Variants in DLG2 observed in about 807,000 individuals in gnomAD.
The protein encoded by DLG2 is disks large homolog 2.
Under a neutral mutation model 132.5 loss-of-function variants are expected in DLG2, and 45 were observed. The ratio of observed to expected loss-of-function variants is 0.34; its 90% CI spans 0.27 to 0.44. DLG2 has a LOEUF of 0.44. Ranked by LOEUF, DLG2 falls within the 20% of genes least tolerant of loss-of-function variation. The probability of loss-of-function intolerance (pLI) is 1.00; values close to 1 mark genes in which losing one functional copy is unlikely to be tolerated. For missense variants in DLG2, 1,045 were observed against 1,196.9 expected (o/e 0.87, Z 1.87); for synonymous variants, 424 against 419.6 (o/e 1.01, Z -0.13).
In DLG2 at chr11:83,832,115, G is replaced by A. The variant is rs145246260; in HGVS notation, c.1722+1499C>T. Among the ~76,000 whole-genome samples the A allele has an allele frequency of 3.6e-4, 55 of 152,304 alleles. No homozygotes were observed. In the East Asian group the frequency reaches 9.4e-3, roughly 26 times the overall value. ...TGAACATGAGGCAGTACCTTTCAGA[G>A]TGATTGTGAGAAGAATAAATAATAG... On this transcript the variant is annotated intron_variant, in intron 17 of 27. Transcript: ENST00000376104.
intron 5 of DLG2, among the ~76,000 whole-genome samples, chr11:85,128,627 T>A (rs964554225): frequency 1.7e-4 from 26 of 152,220 alleles, no homozygotes; most frequent in Admixed American, 1.6e-3. Context: ...GATCCAGAAC[T>A]ATTGTCCTAT....
At chr11:84,938,020 T>C (rs778890453) in intron 6 of DLG2, among the ~76,000 whole-genome samples, 8 of 152,140 alleles carry the variant, frequency 5.3e-5, no homozygotes, top group Non-Finnish European at 1.0e-4. Context: ...CAGTCCTCAT[T>C]CTGGGGTCAG....
intron 6 of DLG2, among the ~76,000 whole-genome samples, chr11:84,766,745 A>C (rs1410646762): frequency 1.3e-5 from 2 of 152,072 alleles, no homozygotes; most frequent in African/African-American, 4.8e-5. Context: ...TTAGTAGGGG[A>C]GGAAAGATGG....
At chr11:85,062,942 G>A (rs1025280853) in intron 6 of DLG2, among the ~76,000 whole-genome samples, 4 of 151,678 alleles carry the variant, frequency 2.6e-5, no homozygotes, top group African/African-American at 7.3e-5. Context: ...CAGCAGAGGT[G>A]GGGATGACTG....
At chr11:83,866,653 C>T (rs2062440933) in intron 16 of DLG2, among the ~76,000 whole-genome samples, 1 of 152,020 alleles carries the variant, frequency 6.6e-6, no homozygotes, top group Admixed American at 6.6e-5. Flanking sequence ...CATTTTTAAA[C>T]CCATTTATTA....
At chr11:83,723,637 C>G (rs540846064) in intron 18 of DLG2, among the ~76,000 whole-genome samples, 244 of 152,078 alleles carry the variant, frequency 1.6e-3, no homozygotes, top group African/African-American at 5.7e-3. Context: ...GGTGGATCAC[C>G]CGAGGTCAGG....
At chr11:83,593,448 A>T (rs2097223402) in intron 19 of DLG2, among the ~76,000 whole-genome samples, 1 of 151,860 alleles carries the variant, frequency 6.6e-6, no homozygotes, top group Admixed American at 6.6e-5. Context: ...GAACAATGAG[A>T]TCACATGGAC....
Position 85,132,323 on chromosome 11 carries a change from T to A in DLG2, c.283-20588A>T, listed in dbSNP as rs1272744400. The stretch of plus-strand genomic sequence containing the variant: ...CAGAATTCTCCAATCAGAAGCAATA[T>A]GTCAAGTCACAGTAAAGCTGATTGG... On this transcript the variant is annotated intron_variant, in intron 5 of 27. Coordinates refer to ENST00000376104, the MANE Select transcript of DLG2 (RefSeq NM_001142699.3). Among the ~76,000 whole-genome samples, 4 of 152,170 alleles carry A rather than the reference T, an allele frequency of 2.6e-5. No homozygotes were observed. The South Asian group carries it at 6.2e-4, about 24-fold the overall frequency.
At chr11:84,934,647 C>T (rs777047960) in intron 6 of DLG2, among the ~76,000 whole-genome samples, 6 of 150,290 alleles carry the variant, frequency 4.0e-5, no homozygotes, top group Non-Finnish European at 5.9e-5. Flanking sequence ...CATAAACTAG[C>T]AAATCTAGAA....
At chr11:83,698,067 G>A (rs569886797) in intron 18 of DLG2, among the ~76,000 whole-genome samples, 7 of 152,326 alleles carry the variant, frequency 4.6e-5, no homozygotes, top group African/African-American at 1.7e-4. Flanking sequence ...AAGTCATTGA[G>A]TCTCACTTAA....
At chr11:84,594,041 A>G (rs1375035211) in intron 6 of DLG2, among the ~76,000 whole-genome samples, 1 of 152,214 alleles carries the variant, frequency 6.6e-6, no homozygotes, top group Non-Finnish European at 1.5e-5. Context: ...TCAAGAAATT[A>G]CATGAGAATG....
At chr11:84,036,157 A>AAAT (rs1395298512) in intron 11 of DLG2, among the ~76,000 whole-genome samples, 1 of 152,094 alleles carries the variant, frequency 6.6e-6, no homozygotes, top group Non-Finnish European at 1.5e-5. Flanking sequence ...GTTGATAGAG[A>AAAT]AATACGGAGG....
At chr11:85,195,070 G>A (rs1173281595) in intron 4 of DLG2, among the ~76,000 whole-genome samples, 2 of 152,174 alleles carry the variant, frequency 1.3e-5, no homozygotes, top group Non-Finnish European at 2.9e-5. Flanking sequence ...AAGCTCTGAA[G>A]CCCAGGAAGA....
chr11:84,313,502 A>AAGAG (rs1386570089), intron 7 of DLG2, among the ~76,000 whole-genome samples: 5 of 132,492 alleles, frequency 3.8e-5, no homozygotes, highest in African/African-American at 8.0e-5. Flanking sequence ...GAAAGAAAGA[A>AAGAG]AGAGAGAGAG....
intron 4 of DLG2, among the ~76,000 whole-genome samples, chr11:85,187,040 TAATC>T (rs2080157666): frequency 6.6e-6 from 1 of 152,078 alleles, no homozygotes; most frequent in South Asian, 2.1e-4. Context: ...CTGGTAGAAA[TAATC>T]AACATTTTAA....
intron 3 of DLG2, among the ~76,000 whole-genome samples, chr11:85,426,209 G>T (rs1366253834): frequency 6.6e-6 from 1 of 152,206 alleles, no homozygotes; most frequent in Non-Finnish European, 1.5e-5. Flanking sequence ...CTACCTCTGG[G>T]GGCAGGGCAC....
At chr11:85,088,024 G>A (rs1326676908) in intron 6 of DLG2, among the ~76,000 whole-genome samples, 4 of 152,110 alleles carry the variant, frequency 2.6e-5, no homozygotes, top group Non-Finnish European at 1.5e-5. Flanking sequence ...TGTGTGAATA[G>A]TGTATTGTTG....
intron 7 of DLG2, among the ~76,000 whole-genome samples, chr11:84,412,026 A>G (rs1350832055): frequency 1.3e-5 from 2 of 151,400 alleles, no homozygotes; most frequent in Admixed American, 6.6e-5. Context: ...AAATGCCATA[A>G]TGGAGGAGTG....
chr11:85,089,661 G>A (rs2068456574), intron 6 of DLG2, among the ~76,000 whole-genome samples: 1 of 152,112 alleles, frequency 6.6e-6, no homozygotes, highest in African/African-American at 2.4e-5. Flanking sequence ...AGGGATTGCT[G>A]GGTTAAATGG....
Sources: gnomAD v4.1 joint callset for allele counts (sites outside exome capture counted in the v4.1 genomes callset) on GRCh38, gnomAD v4.1.1 for gene constraint, MANE v1.5 for transcripts, NCBI Gene and HGNC (gene_info 2026-07-23, HGNC 2026-07-21) for gene names.